SENP1: variants seen among roughly 807,000 people sequenced by gnomAD.
SENP1 encodes the protein SUMO specific peptidase 1, also known as sentrin-specific protease 1.
SENP1 carries 21 observed loss-of-function variants against 93.0 expected under a neutral mutation model. The observed-to-expected ratio is 0.23, with a 90% CI of 0.16 to 0.33. The LOEUF is 0.33. SENP1 is among the 10% of genes least tolerant of loss of function. The probability of loss-of-function intolerance (pLI) is 1.00; values close to 1 mark genes in which losing one functional copy is unlikely to be tolerated. For synonymous variants in SENP1, 256 were observed against 259.6 expected (o/e 0.99, Z 0.13); for missense variants, 591 against 758.7 (o/e 0.78, Z 2.60).
intron 13 of SENP1, among the ~76,000 whole-genome samples, chr12:48,054,506 T>G (rs1266786074): frequency 2.0e-5 from 3 of 152,138 alleles, no homozygotes; most frequent in Admixed American, 6.6e-5. Flanking sequence ...AAATGGTTCC[T>G]TGGCCAGGCG....
At position 48,074,508 on chromosome 12, in the gene SENP1, T is replaced by C. The variant is rs760218805; in HGVS notation, c.756A>G (p.Ser252=). The C allele has an allele frequency of 6.2e-7, 1 of 1,613,882 alleles. No homozygotes were observed. Among genetic ancestry groups the C allele is most frequent in the Non-Finnish European group, 8.5e-7 (1 of 1,179,862 alleles). ...TAGTTAAAATGCTGGCAGATCCAGA[T>C]GATGAAGTATCAGAGCCAATGATCT... ...ASQIIGSDTS[S]SGSASILTNQ... Residue 252 remains serine (S), a synonymous_variant, in exon 8 of 18, where the codon TCA becomes TCG. Transcript: ENST00000549518.
At chr12:48,071,163 C>T (rs958433021) in intron 9 of SENP1, among the ~76,000 whole-genome samples, 1 of 151,780 alleles carries the variant, frequency 6.6e-6, no homozygotes, top group Non-Finnish European at 1.5e-5. Context: ...TGGTGGAAGA[C>T]GGAATGAAGA....
intron 9 of SENP1, 71 bp from the exon 10 acceptor site, chr12:48,067,036 A>G: frequency 1.0e-6 from 1 of 1,000,982 alleles, no homozygotes; most frequent in Non-Finnish European, 1.5e-6. Flanking sequence ...ATTTTCATCA[A>G]TAAAAACAAT....
At position 48,074,743 on chromosome 12, in the gene SENP1, G is replaced by C. The variant is rs1330902863; in HGVS notation, c.603C>G (p.Val201=). 2 of 1,612,932 alleles carry C rather than the reference G, an allele frequency of 1.2e-6. No homozygotes were observed. The highest frequency in any genetic ancestry group is 1.3e-5 in the African/African-American group (1 of 74,676). The change falls in exon 7 of 18, where the codon GTC becomes GTG. Residue 201 remains valine (V), a synonymous_variant. Transcript: ENST00000549518. ...REIYRQLLQM[V]TGKQFTIAKP... ...TGGCTATAGTAAACTGTTTCCCTGT[G>C]ACCATCTGTAGCAGCTGTCTGTAAA...
chr12:48,101,567 CA>C, intron 1 of SENP1, 51 bp from the exon 2 acceptor site: 1 of 964,944 alleles, frequency 1.0e-6, no homozygotes, highest in Non-Finnish European at 1.6e-6. Context: ...ACACCTACTT[CA>C]CTTAATTTTA....
At chr12:48,077,929 T>C (rs1471390839) in intron 6 of SENP1, among the ~76,000 whole-genome samples, 4 of 152,128 alleles carry the variant, frequency 2.6e-5, no homozygotes, top group African/African-American at 9.7e-5. Context: ...ATTTATGTGG[T>C]CATATGAATT....
chr12:48,070,060 A>T (rs910036904), intron 9 of SENP1, among the ~76,000 whole-genome samples: 1 of 152,222 alleles, frequency 6.6e-6, no homozygotes, highest in South Asian at 2.1e-4. Flanking sequence ...CAGAGGAAGA[A>T]GTATTTGATA....
chr12:48,060,326 C>T (rs1368324146), intron 13 of SENP1, among the ~76,000 whole-genome samples: 3 of 152,104 alleles, frequency 2.0e-5, no homozygotes, highest in Non-Finnish European at 4.4e-5. Context: ...TTATCTGATG[C>T]CTTTTAAAAC....
intron 13 of SENP1, among the ~76,000 whole-genome samples, chr12:48,063,028 A>G (rs1323573381): frequency 6.6e-6 from 1 of 152,164 alleles, no homozygotes; most frequent in Non-Finnish European, 1.5e-5. Context: ...TACCCAACCC[A>G]GTTTTCTTTT....
chr12:48,076,417 T>G (rs1944086183), intron 6 of SENP1, among the ~76,000 whole-genome samples: 1 of 151,762 alleles, frequency 6.6e-6, no homozygotes, highest in Non-Finnish European at 1.5e-5. Context: ...CTCCACCTCC[T>G]AGGTTCAAGT....
rs200707917 is a variant in SENP1 at position 48,098,046 on chromosome 12, A to T, written c.83T>A (p.Leu28His). 1 of 1,612,378 alleles carries T rather than the reference A, an allele frequency of 6.2e-7. No individual in the cohort carries two copies. Among genetic ancestry groups the T allele is most frequent in the Admixed American group, 1.7e-5 (1 of 59,918 alleles). Residue 28 changes from leucine (L) to histidine (H), a missense_variant, in exon 3 of 18, where the codon CTC becomes CAC. Around this residue, in one of 4 missense-constraint regions of SENP1, gnomAD observed 214 missense variants for 243.4 expected, o/e 0.88. Coordinates refer to ENST00000549518, the MANE Select transcript of SENP1 (RefSeq NM_001267594.2). ...CTCTGGAAAACCTGTTTGTGGCAGG[A>T]GGTGGGTTTTGAATACGGAGTTGTG... ...VNHNSVFKTH[L>H]LPQTGFPEDQ...
intron 3 of SENP1, among the ~76,000 whole-genome samples, chr12:48,097,259 G>A (rs1169151494): frequency 6.6e-6 from 1 of 152,038 alleles, no homozygotes; most frequent in Non-Finnish European, 1.5e-5. Context: ...AATCAGAGGT[G>A]GTGCTATACC....
chr12:48,098,065 A>G lies in SENP1; in HGVS notation c.64T>C (p.Ser22Pro), dbSNP rs775955787. The G allele has an allele frequency of 6.2e-7, 1 of 1,613,610 alleles. No homozygotes were observed. The highest frequency in any genetic ancestry group is 1.1e-5 in the South Asian group (1 of 90,980). Residue 22 changes from serine (S) to proline (P), a missense_variant, in exon 3 of 18, where the codon TCC becomes CCC. Coordinates refer to ENST00000549518, the MANE Select transcript of SENP1 (RefSeq NM_001267594.2). ...GGCAGGAGGTGGGTTTTGAATACGG[A>G]GTTGTGGTTCACTAAAGTCACTTCT... is the stretch of plus-strand genomic sequence containing the variant. ...AGEVTLVNHN[S>P]VFKTHLLPQT...
chr12:48,085,211 C>T, intron 5 of SENP1: 2 of 1,514,416 alleles, frequency 1.3e-6, no homozygotes, highest in Non-Finnish European at 1.8e-6. Context: ...AGATCGAAGA[C>T]ACTTTCCGGC....
intron 1 of SENP1, among the ~76,000 whole-genome samples, chr12:48,104,957 G>T (rs1345431251): frequency 6.6e-6 from 1 of 152,178 alleles, no homozygotes; most frequent in African/African-American, 2.4e-5. Flanking sequence ...TAGGTTAAGG[G>T]ATCATGCTTA....
rs539188072 is a variant in SENP1, at chr12:48,077,835, A to C, written c.553-3042T>G. On this transcript the variant is annotated intron_variant, in intron 6 of 17. Transcript: ENST00000549518. ...AATACCATGCTGTTTTAATTACTAT[A>C]GCTTGGTAGTATAGTTTGAAATAAG... Among the ~76,000 whole-genome samples, 4 of 151,788 alleles carry C rather than the reference A, an allele frequency of 2.6e-5. No individual in the cohort carries two copies. In the South Asian group the frequency reaches 8.3e-4, roughly 32 times the overall value.
intron 14 of SENP1, 52 bp downstream of exon 14, chr12:48,048,877 T>C (rs1487400759): frequency 4.3e-6 from 6 of 1,389,138 alleles, no homozygotes; most frequent in South Asian, 1.2e-5. Context: ...CCTCTGTGTG[T>C]TCTATAAGTA....
chr12:48,057,733 C>G (rs756158203), intron 13 of SENP1, among the ~76,000 whole-genome samples: 17 of 150,112 alleles, frequency 1.1e-4, no homozygotes, highest in Non-Finnish European at 2.1e-4. Flanking sequence ...GCCTCAGCCT[C>G]CCAATTACAG....
At chr12:48,092,342 C>T (rs574455281) in intron 4 of SENP1, among the ~76,000 whole-genome samples, 1 of 152,172 alleles carries the variant, frequency 6.6e-6, no homozygotes, top group South Asian at 2.1e-4. Flanking sequence ...AGAATATATC[C>T]AAAGGAGAGA....
Sources: allele counts gnomAD v4.1 joint callset (sites outside exome capture counted in the v4.1 genomes callset), GRCh38; gene constraint gnomAD v4.1.1; regional missense constraint gnomAD v4.1.1; transcripts MANE v1.5; gene names NCBI Gene and HGNC (gene_info 2026-07-23, HGNC 2026-07-21).